Variants in IP6K3 observed in about 807,000 individuals in gnomAD.
IP6K3 encodes the protein inositol hexakisphosphate kinase 3.
In IP6K3, 20 loss-of-function variants were observed where a neutral mutation model predicts 28.8. The observed-to-expected ratio is 0.70, with a 90% CI of 0.49 to 1.01. The LOEUF is 1.01. Ranked by LOEUF, IP6K3 falls within the 50% of genes least tolerant of loss-of-function variation. The pLI is 0.00. For synonymous variants in IP6K3, 213 were observed against 221.3 expected, an observed-to-expected ratio of 0.96 and a Z score of 0.33; for missense variants, 480 against 537.1, an observed-to-expected ratio of 0.89 and a Z score of 1.05.
At chr6:33,734,753 A>G (rs865908308) in intron 2 of IP6K3, among the ~76,000 whole-genome samples, 32 of 152,316 alleles carry the variant, frequency 2.1e-4, no homozygotes, top group African/African-American at 7.2e-4. Flanking sequence ...GAAGTTTCCC[A>G]GCTACACGCA....
chr6:33,749,874 A>G (rs1252430553), upstream of IP6K3, among the ~76,000 whole-genome samples: 1 of 152,106 alleles, frequency 6.6e-6, no homozygotes, highest in African/African-American at 2.4e-5. Context: ...TCTGGAAATC[A>G]GTCCTGACCA....
chr6:33,752,628 C>T, the IP6K3 span, among the ~76,000 whole-genome samples: 1 of 152,242 alleles, frequency 6.6e-6, no homozygotes, highest in African/African-American at 2.4e-5. Context: ...GAGGCCCTGC[C>T]TGGGGTTGCA....
At chr6:33,729,064 G>A (rs1248575534) in intron 2 of IP6K3, among the ~76,000 whole-genome samples, 1 of 152,232 alleles carries the variant, frequency 6.6e-6, no homozygotes, top group East Asian at 1.9e-4. Flanking sequence ...AAAAAACACT[G>A]GTTGTGAAAG....
intron 2 of IP6K3, among the ~76,000 whole-genome samples, chr6:33,732,847 A>G (rs1201515229): frequency 6.6e-6 from 1 of 152,206 alleles, no homozygotes; most frequent in Non-Finnish European, 1.5e-5. Context: ...GAGCCCTTTC[A>G]GGGACTCTTC....
chr6:33,758,498 C>T, the IP6K3 span, among the ~76,000 whole-genome samples: 3 of 152,302 alleles, frequency 2.0e-5, no homozygotes, highest in African/African-American at 4.8e-5. Context: ...TGCACTCCAG[C>T]CTGGGTGAGA....
At chr6:33,752,684 G>A in the IP6K3 span, among the ~76,000 whole-genome samples, 10 of 152,152 alleles carry the variant, frequency 6.6e-5, no homozygotes, top group Non-Finnish European at 1.5e-4. Context: ...TCTCAGAATG[G>A]CCAGTTCCTT....
Position 33,733,065 on chromosome 6 carries a change from C to A in IP6K3, c.199+2213G>T, listed in dbSNP as rs563837245. 1.6e-3 allele frequency among the ~76,000 whole-genome samples: 244 copies of A among 152,358 alleles called. 1 individual carries two copies. The highest frequency in any genetic ancestry group is 5.1e-3 in the African/African-American group (211 of 41,582). ...CTTCATCAAAACTTCAGCCCACGGGCTCTGTCTGCCTCCACCTGCAGGCAG... is the reference window on the plus strand; with the variant it reads ...CTTCATCAAAACTTCAGCCCACGGGATCTGTCTGCCTCCACCTGCAGGCAG... On this transcript the variant is annotated intron_variant, in intron 2 of 5. Coordinates refer to ENST00000293756, the MANE Select transcript of IP6K3 (RefSeq NM_054111.5).
intron 5 of IP6K3, among the ~76,000 whole-genome samples, chr6:33,723,929 C>T (rs1420029571): frequency 6.6e-6 from 1 of 152,146 alleles, no homozygotes; most frequent in Non-Finnish European, 1.5e-5. Context: ...TGGCAGCAAC[C>T]CCCATTTCAT....
chr6:33,761,957 G>C, the IP6K3 span, among the ~76,000 whole-genome samples: 6 of 152,116 alleles, frequency 3.9e-5, no homozygotes, highest in African/African-American at 1.4e-4. Flanking sequence ...CACTCAGAAG[G>C]GGAAGAAGAT....
intron 2 of IP6K3, 74 bp from the exon 3 acceptor site, chr6:33,728,374 C>A (rs777799262): frequency 7.1e-7 from 1 of 1,399,246 alleles, no homozygotes; most frequent in African/African-American, 1.4e-5. Flanking sequence ...GGAGTGATGA[C>A]GAGTTGGGAA....
intron 2 of IP6K3, among the ~76,000 whole-genome samples, chr6:33,728,710 G>A (rs368938419): frequency 2.6e-5 from 4 of 152,154 alleles, no homozygotes; most frequent in African/African-American, 4.8e-5. Context: ...CGAAGGGGCC[G>A]CCCACCTCAG....
chr6:33,723,440 C>T (rs929087020), intron 5 of IP6K3, among the ~76,000 whole-genome samples: 7 of 152,108 alleles, frequency 4.6e-5, no homozygotes, highest in Admixed American at 3.9e-4. Context: ...CAGAGGTGAC[C>T]CTCCACCCAC....
Position 33,735,290 on chromosome 6 carries a change from G to T in IP6K3, c.187C>A (p.Pro63Thr). 6.2e-7 allele frequency: 1 copy of T among 1,612,588 alleles called. No homozygotes were observed. Among genetic ancestry groups the T allele is most frequent in the Middle Eastern group, 1.7e-4 (1 of 6,058 alleles). The change falls in exon 2 of 6, where the codon CCA becomes ACA. Residue 63 changes from proline to threonine, a missense_variant. Transcript: ENST00000293756. ...SLPLAMKRFT[P>T]QYKGTVTVHL... ...CCTAGACACTCACCTTTGTACTGTG[G>T]GGTGAACCGCTTCATGGCCAGCGGC...
At position 33,728,139 on chromosome 6, in the gene IP6K3, A is replaced by G. The variant is rs771838600; in HGVS notation, c.361T>C (p.Cys121Arg). The G allele has an allele frequency of 1.2e-6, 2 of 1,610,646 alleles. No individual in the cohort carries two copies. The highest frequency in any genetic ancestry group is 1.7e-6 in the Non-Finnish European group (2 of 1,179,974). ...GCATGCGGCCACTGGGCAAGGGTGC[A>G]GTCGCTGCCATTGCTGCCGGTGGTC... Reference protein sequence around the residue: ...QQTTGSNGSDCTLAQWPHAQL... With the variant: ...QQTTGSNGSDRTLAQWPHAQL... The change falls in exon 3 of 6, where the codon TGC becomes CGC. Residue 121 changes from cysteine (C) to arginine (R), a missense_variant. Transcript: ENST00000293756.
chr6:33,745,051 GT>G (rs1455662518), intron 1 of IP6K3, among the ~76,000 whole-genome samples: 3 of 152,262 alleles, frequency 2.0e-5, no homozygotes, highest in African/African-American at 7.2e-5. Context: ...ATGAGTTGCA[GT>G]AACTATTATT....
chr6:33,755,155 G>A, the IP6K3 span, among the ~76,000 whole-genome samples: 70 of 152,090 alleles, frequency 4.6e-4, no homozygotes, highest in East Asian at 0.012. Context: ...TCCCTCACAC[G>A]TCTCTCTTAT....
intron 2 of IP6K3, among the ~76,000 whole-genome samples, chr6:33,730,960 G>A (rs1766300246): frequency 6.6e-6 from 1 of 152,188 alleles, no homozygotes; most frequent in African/African-American, 2.4e-5. Flanking sequence ...CCTCAGGGAG[G>A]GTCGTCAGCG....
At chr6:33,736,539 G>C (rs1416335637) in intron 1 of IP6K3, among the ~76,000 whole-genome samples, 1 of 152,118 alleles carries the variant, frequency 6.6e-6, no homozygotes, top group Non-Finnish European at 1.5e-5. Context: ...CGAGCAGCTG[G>C]GATTACAGGC....
chr6:33,748,865 C>T (rs1429654077), upstream of IP6K3, among the ~76,000 whole-genome samples: 1 of 151,842 alleles, frequency 6.6e-6, no homozygotes, highest in Non-Finnish European at 1.5e-5. Flanking sequence ...GGTGGGGATC[C>T]GATCCTCCCC....
Sources: allele counts gnomAD v4.1 joint callset (sites outside exome capture counted in the v4.1 genomes callset), GRCh38; gene constraint gnomAD v4.1.1; transcripts MANE v1.5; gene names NCBI Gene and HGNC (gene_info 2026-07-23, HGNC 2026-07-21).